The following PRDM11 variants were observed in gnomAD, a reference collection of about 807,000 sequenced individuals.
PRDM11 encodes the protein PR domain-containing protein 11.
In PRDM11, 20 loss-of-function variants were observed where a neutral mutation model predicts 97.8. The ratio of observed to expected loss-of-function variants is 0.20; its 90% CI spans 0.14 to 0.30. The LOEUF (loss-of-function observed/expected upper bound fraction) is 0.30. Among genes scored for constraint, PRDM11 ranks in the 10% least tolerant of loss-of-function variants. PRDM11 has a pLI of 1.00. For synonymous variants in PRDM11, 599 were observed against 637.7 expected, an observed-to-expected ratio of 0.94 and a Z score of 0.91; for missense variants, 1,139 against 1,555.2, an observed-to-expected ratio of 0.73 and a Z score of 4.50.
chr11:45,133,165 G>C (rs921109583), intron 1 of PRDM11, among the ~76,000 whole-genome samples: 1 of 152,090 alleles, frequency 6.6e-6, no homozygotes, highest in East Asian at 1.9e-4. Context: ...CATCCAAATA[G>C]CTCAAAAAGA....
intron 1 of PRDM11, among the ~76,000 whole-genome samples, chr11:45,104,146 A>G (rs1030801940): frequency 6.6e-6 from 1 of 152,266 alleles, no homozygotes; most frequent in Non-Finnish European, 1.5e-5. Context: ...TGGACAGGCT[A>G]GCCCTCAAGG....
At chr11:45,152,952 A>G (rs905062576) in intron 1 of PRDM11, among the ~76,000 whole-genome samples, 1 of 152,234 alleles carries the variant, frequency 6.6e-6, no homozygotes, top group Non-Finnish European at 1.5e-5. Flanking sequence ...CATGGTGATC[A>G]GATCCATGTT....
At chr11:45,115,945 A>G (rs1852293361) in intron 1 of PRDM11, among the ~76,000 whole-genome samples, 1 of 151,846 alleles carries the variant, frequency 6.6e-6, no homozygotes, top group African/African-American at 2.4e-5. Flanking sequence ...AAAAAAAGAA[A>G]AAAAGAAAAA....
chr11:45,141,920 A>G (rs1823385765), upstream of PRDM11, among the ~76,000 whole-genome samples: 1 of 152,180 alleles, frequency 6.6e-6, no homozygotes, highest in African/African-American at 2.4e-5. Context: ...TCCAGTGGGC[A>G]GGGAAAGGGC....
At position 45,204,637 on chromosome 11, in the gene PRDM11, T is replaced by C. The variant is rs187152030; in HGVS notation, c.487-74T>C. The C allele has an allele frequency of 2.8e-6, 4 of 1,405,022 alleles. No individual in the cohort carries two copies. The East Asian group carries it at 9.1e-5, about 32-fold the overall frequency. 87.0% of individuals were successfully genotyped at this position (1,405,022 alleles called of 1,614,324 possible). A position where few individuals can be genotyped will look rare whatever the true frequency, so the allele number is the denominator to read the frequency against. ...GCAGGTGGGACCAGGCCCTGGGCCC[T>C]GGTTGGGAAGGAGCCCAGGGACATG... On this transcript the variant is annotated intron_variant, in intron 4 of 7. Transcript: ENST00000683152.
chr11:45,194,595 T>A (rs1853040876), intron 4 of PRDM11, among the ~76,000 whole-genome samples: 1 of 83,158 alleles, frequency 1.2e-5, no homozygotes, highest in Admixed American at 1.1e-4. Flanking sequence ...ATCTTCTGTT[T>A]TTTTTTTTTT....
chr11:45,225,837 T>C (rs1029420006), intron 7 of PRDM11, among the ~76,000 whole-genome samples, 158 bp from the exon 8 acceptor site: 8 of 152,180 alleles, frequency 5.3e-5, no homozygotes, highest in African/African-American at 1.9e-4. Context: ...GGAGTGCTCA[T>C]AAACTAATTC....
At chr11:45,216,049 T>G (rs1398776823) in intron 5 of PRDM11, 1 of 152,636 alleles carries the variant, frequency 6.6e-6, no homozygotes. Context: ...GTCTGAGAAT[T>G]GTTGTCTTAG....
chr11:45,224,494 C>T lies in PRDM11; in HGVS notation c.1020C>T (p.Asp340=), dbSNP rs202159212. The part of the protein sequence containing the change: ...VIRKVPKYQD[D]AYSQCATTMT... Reference sequence around the variant, plus strand: ...GGAAAGTCCCCAAATACCAGGATGACGCCTACAGTCAGTGTGCAACAACAA... The same window carrying T: ...GGAAAGTCCCCAAATACCAGGATGATGCCTACAGTCAGTGTGCAACAACAA... The change falls in exon 7 of 8, where the codon GAC becomes GAT. Residue 340 remains aspartate (D), a synonymous_variant. Transcript: ENST00000683152. The T allele has an allele frequency of 3.3e-5, 53 of 1,614,042 alleles. No homozygotes were observed. The Middle Eastern group carries it at 6.6e-4, about 20-fold the overall frequency.
At position 45,147,286 on chromosome 11, in the gene PRDM11, A is replaced by ACGGACGGGGCGGGGCG. The variant is rs1320931510; in HGVS notation, c.-7+416_-7+431dup. ...GCGCTCGGAATGAGAACGCGGTGAC[A>ACGGACGGGGCGGGGCG]CGGACGGGGCGGGGCGCGGACGCCG... On this transcript the variant is annotated intron_variant, in intron 1 of 7. Transcript: ENST00000683152. The ACGGACGGGGCGGGGCG allele has an allele frequency of 7.1e-3, 1,068 of 151,256 alleles. 15 individuals are homozygous for ACGGACGGGGCGGGGCG. The highest frequency in any genetic ancestry group is 0.025 in the African/African-American group (1,022 of 41,000). 9.4% of individuals were successfully genotyped at this position (151,256 alleles called of 1,614,324 possible). A position where few individuals can be genotyped will look rare whatever the true frequency, so the allele number is the denominator to read the frequency against.
intron 1 of PRDM11, among the ~76,000 whole-genome samples, chr11:45,153,955 C>A (rs1021399395): frequency 6.6e-6 from 1 of 152,210 alleles, no homozygotes; most frequent in African/African-American, 2.4e-5. Flanking sequence ...CAGCTATCAT[C>A]TCATTTTTCC....
At chr11:45,112,515 C>T (rs993523658) in intron 1 of PRDM11, among the ~76,000 whole-genome samples, 1 of 152,196 alleles carries the variant, frequency 6.6e-6, no homozygotes, top group African/African-American at 2.4e-5. Flanking sequence ...AATCTCCATA[C>T]TGTTTTCCAT....
chr11:45,181,971 T>G (rs1023589638), intron 2 of PRDM11, 86 bp downstream of exon 2: 11 of 1,237,568 alleles, frequency 8.9e-6, no homozygotes, highest in Non-Finnish European at 1.2e-5. Flanking sequence ...TGGGAAACGT[T>G]CTCACTCCTT....
upstream of PRDM11, among the ~76,000 whole-genome samples, chr11:45,146,262 C>A (rs929106778): frequency 1.3e-5 from 2 of 152,138 alleles, no homozygotes; most frequent in African/African-American, 2.4e-5. Flanking sequence ...CGCGTCGACT[C>A]CCCCCGACTA....
intron 1 of PRDM11, among the ~76,000 whole-genome samples, chr11:45,114,885 T>C (rs1054016272): frequency 3.9e-5 from 6 of 152,032 alleles, no homozygotes; most frequent in Non-Finnish European, 8.8e-5. Flanking sequence ...ACAAAGATAT[T>C]TCAAATAAAT....
chr11:45,173,898 A>T lies in PRDM11; in HGVS notation c.-6-7863A>T, dbSNP rs182484834. On this transcript the variant is annotated intron_variant, in intron 1 of 7. Coordinates refer to ENST00000683152, the MANE Select transcript of PRDM11 (RefSeq NM_001384648.1). Reference sequence around the variant, plus strand: ...AGATGGTTTTTCTTTATGTTTATTAACATATATATATTCAGAAAAGTGCAC... The same window carrying T: ...AGATGGTTTTTCTTTATGTTTATTATCATATATATATTCAGAAAAGTGCAC... Among the ~76,000 whole-genome samples the T allele has an allele frequency of 5.3e-5, 8 of 152,328 alleles. No homozygotes were observed. The East Asian group carries it at 1.5e-3, about 29-fold the overall frequency.
intron 1 of PRDM11, among the ~76,000 whole-genome samples, chr11:45,165,830 A>G (rs997827929): frequency 2.0e-5 from 3 of 152,210 alleles, no homozygotes; most frequent in Non-Finnish European, 4.4e-5. Context: ...AGGAGGGAGC[A>G]GGCTTTCCTT....
At chr11:45,131,316 T>C (rs899016076) in intron 1 of PRDM11, among the ~76,000 whole-genome samples, 3 of 152,244 alleles carry the variant, frequency 2.0e-5, no homozygotes, top group African/African-American at 7.2e-5. Context: ...GTTGGTTATA[T>C]GAGGGTTTTC....
chr11:45,123,353 T>C (rs2135631731), intron 1 of PRDM11, among the ~76,000 whole-genome samples: 1 of 152,306 alleles, frequency 6.6e-6, no homozygotes, highest in East Asian at 1.9e-4. Context: ...TTTAGTTAGA[T>C]CCCATTTGTC....
Sources: gnomAD v4.1 joint callset for allele counts (sites outside exome capture counted in the v4.1 genomes callset) on GRCh38, gnomAD v4.1.1 for gene constraint, MANE v1.5 for transcripts, NCBI Gene and HGNC (gene_info 2026-07-23, HGNC 2026-07-21) for gene names.